The following INTS15 variants were observed in gnomAD, a reference collection of about 807,000 sequenced individuals.
INTS15 encodes the protein integrator complex subunit 15, also known as uncharacterized protein C7orf26.
chr7:6,593,329 GTT>G, the INTS15 span, among the ~76,000 whole-genome samples: 6 of 130,808 alleles, frequency 4.6e-5, no homozygotes, highest in Admixed American at 1.6e-4. Context: ...CTGTGCGGTG[GTT>G]TTTTTTTTTT....
At chr7:6,601,630 A>G in the INTS15 span, among the ~76,000 whole-genome samples, 7 of 149,584 alleles carry the variant, frequency 4.7e-5, no homozygotes, top group Non-Finnish European at 8.9e-5. Flanking sequence ...AATTGAAGAC[A>G]AGGAGAACTC....
chr7:6,602,385 GGTGC>G, the INTS15 span: 2 of 502,388 alleles, frequency 4.0e-6, no homozygotes, highest in South Asian at 4.5e-5. Flanking sequence ...CCCTAGTGAA[GGTGC>G]ACCTGTTGAG....
At chr7:6,605,754 C>T in the INTS15 span, among the ~76,000 whole-genome samples, 792 of 152,012 alleles carry the variant, frequency 5.2e-3, 7 homozygotes, top group African/African-American at 0.017. Flanking sequence ...GCTGGAGTGC[C>T]GTGGTGTGAT....
chr7:6,595,997 T>C, the INTS15 span, among the ~76,000 whole-genome samples: 3 of 152,198 alleles, frequency 2.0e-5, no homozygotes, highest in African/African-American at 7.2e-5. Flanking sequence ...TCTGTCATTT[T>C]TATTCAGTCC....
chr7:6,603,613 C>T, the INTS15 span, among the ~76,000 whole-genome samples: 5 of 148,946 alleles, frequency 3.4e-5, no homozygotes, highest in East Asian at 4.0e-4. Context: ...CCAAGGTGGG[C>T]GGATCACCTG....
the INTS15 span, among the ~76,000 whole-genome samples, chr7:6,601,725 C>T: frequency 7.3e-5 from 11 of 150,298 alleles, no homozygotes; most frequent in Non-Finnish European, 8.9e-5. Flanking sequence ...GGTGTGATCT[C>T]GGCTTACTGC....
the INTS15 span, among the ~76,000 whole-genome samples, chr7:6,595,998 T>C: frequency 6.6e-6 from 1 of 152,158 alleles, no homozygotes; most frequent in African/African-American, 2.4e-5. Context: ...CTGTCATTTT[T>C]ATTCAGTCCA....
chr7:6,607,200 A>T, the INTS15 span, among the ~76,000 whole-genome samples: 1 of 151,942 alleles, frequency 6.6e-6, no homozygotes, highest in African/African-American at 2.4e-5. The surrounding 1 kb of genome is among the most constrained non-coding windows in gnomAD (Gnocchi z 6.0). Flanking sequence ...CTGGGAAGGG[A>T]CCCAGCGTTG....
the INTS15 span, chr7:6,607,888 G>C: frequency 6.3e-7 from 1 of 1,577,916 alleles, no homozygotes; most frequent in Non-Finnish European, 8.5e-7. The surrounding 1 kb of genome is among the most constrained non-coding windows in gnomAD (Gnocchi z 6.0). Flanking sequence ...GGGGGGACGG[G>C]GTCAGCCTAC....
At chr7:6,606,994 C>T in the INTS15 span, among the ~76,000 whole-genome samples, 15 of 152,086 alleles carry the variant, frequency 9.9e-5, no homozygotes, top group Admixed American at 9.2e-4. Flanking sequence ...CCACCAGACC[C>T]GGCCAAGAGA....
At chr7:6,591,998 C>T in the INTS15 span, 1 of 708,910 alleles carries the variant, frequency 1.4e-6, no homozygotes, top group Non-Finnish European at 2.3e-6. Flanking sequence ...ATGGCGAAAT[C>T]ATGTCTCTAC....
At chr7:6,600,697 G>A in the INTS15 span, among the ~76,000 whole-genome samples, 2 of 151,952 alleles carry the variant, frequency 1.3e-5, no homozygotes, top group Non-Finnish European at 2.9e-5. Context: ...TCACGCTGTT[G>A]TCCAGACTGT....
At chr7:6,603,133 C>G in the INTS15 span, among the ~76,000 whole-genome samples, 4 of 151,482 alleles carry the variant, frequency 2.6e-5, no homozygotes, top group Non-Finnish European at 5.9e-5. Flanking sequence ...ACCTGTAATC[C>G]CGGCTACTCG....
chr7:6,608,307 G>C, the INTS15 span: 1 of 1,439,098 alleles, frequency 6.9e-7, no homozygotes, highest in Non-Finnish European at 9.1e-7. Context: ...ACGGAGTCCA[G>C]GTGCTTCCCA....
chr7:6,592,190 CT>C, the INTS15 span, among the ~76,000 whole-genome samples: 2 of 150,612 alleles, frequency 1.3e-5, no homozygotes, highest in Admixed American at 6.6e-5. Context: ...AGAGTCTCCC[CT>C]GAGAGTCTCT....
At chr7:6,605,042 G>T in the INTS15 span, among the ~76,000 whole-genome samples, 2 of 152,106 alleles carry the variant, frequency 1.3e-5, no homozygotes, top group African/African-American at 2.4e-5. Context: ...ACCCAGGCTA[G>T]AGTGCAGTGG....
the INTS15 span, among the ~76,000 whole-genome samples, chr7:6,606,700 T>G: frequency 6.7e-6 from 1 of 150,306 alleles, no homozygotes; most frequent in Admixed American, 6.6e-5. Flanking sequence ...AGGGCCTTTT[T>G]TTTTTTTTTT....
the INTS15 span, chr7:6,590,387 C>T: frequency 6.2e-7 from 1 of 1,607,064 alleles, no homozygotes; most frequent in Non-Finnish European, 8.5e-7. Flanking sequence ...CTGCAGAGCG[C>T]GCCGCTGCCC....
the INTS15 span, among the ~76,000 whole-genome samples, chr7:6,606,301 C>A: frequency 6.6e-6 from 1 of 152,224 alleles, no homozygotes; most frequent in East Asian, 1.9e-4. Flanking sequence ...CTCCTGGGGG[C>A]CCTGGGCCCA....
Sources: gnomAD v4.1 joint callset for allele counts (sites outside exome capture counted in the v4.1 genomes callset) on GRCh38, gnomAD v4.1.1 for gene constraint, Gnocchi (gnomAD v3.1) non-coding constraint, MANE v1.5 for transcripts, NCBI Gene and HGNC (gene_info 2026-07-23, HGNC 2026-07-21) for gene names.